GMDS: variants seen among roughly 807,000 people sequenced by gnomAD.
GMDS encodes the protein GDP-mannose 4,6 dehydratase.
In GMDS, 20 loss-of-function variants were observed where a neutral mutation model predicts 49.9. The observed-to-expected ratio is 0.40, with a 90% CI of 0.28 to 0.58. The LOEUF (loss-of-function observed/expected upper bound fraction) is 0.58, where lower values mean the gene tolerates loss of function less well. Ranked by LOEUF, GMDS falls within the 20% of genes least tolerant of loss-of-function variation. The pLI, the probability that GMDS is intolerant of heterozygous loss-of-function variation, is 0.42. For synonymous variants in GMDS, 177 were observed against 178.6 expected, an observed-to-expected ratio of 0.99 and a Z score of 0.07; for missense variants, 362 against 481.4, an observed-to-expected ratio of 0.75 and a Z score of 2.32.
At chr6:1,822,850 A>C (rs1421052338) in intron 7 of GMDS, among the ~76,000 whole-genome samples, 1 of 152,214 alleles carries the variant, frequency 6.6e-6, no homozygotes, top group Non-Finnish European at 1.5e-5. Context: ...CCTATAATGT[A>C]AAAAGTACTT....
intron 9 of GMDS, among the ~76,000 whole-genome samples, chr6:1,648,633 T>A (rs1033462224): frequency 6.6e-6 from 1 of 152,270 alleles, no homozygotes; most frequent in African/African-American, 2.4e-5. Flanking sequence ...CTTGCCTCCT[T>A]CTTTGCAAAG....
intron 2 of GMDS, among the ~76,000 whole-genome samples, chr6:2,118,046 G>A (rs566429730): frequency 1.3e-5 from 2 of 152,248 alleles, no homozygotes; most frequent in South Asian, 2.1e-4. Context: ...GAGAGCAGAT[G>A]TTACTATGCA....
intron 7 of GMDS, among the ~76,000 whole-genome samples, chr6:1,834,052 A>T (rs1340396035): frequency 6.6e-6 from 1 of 152,218 alleles, no homozygotes; most frequent in Non-Finnish European, 1.5e-5. Context: ...TTAAATAGAA[A>T]TTATTAAGAA....
intron 7 of GMDS, among the ~76,000 whole-genome samples, chr6:1,914,127 G>GTTTTTTTT (rs1225983780): frequency 2.8e-4 from 14 of 50,002 alleles, no homozygotes; most frequent in Non-Finnish European, 4.1e-4. Flanking sequence ...AGCGTTTTTT[G>GTTTTTTTT]TTTGTTTTTT....
chr6:1,797,036 A>G (rs1481518707), intron 7 of GMDS, among the ~76,000 whole-genome samples: 7 of 152,244 alleles, frequency 4.6e-5, no homozygotes, highest in African/African-American at 1.7e-4. Context: ...GCCAGGGACC[A>G]GTACCAGTAT....
rs371921639 is a variant in GMDS, at chr6:2,124,750, T to C, written c.103-19A>G. 3.4e-5 allele frequency: 54 copies of C among 1,606,026 alleles called. No individual in the cohort carries two copies. Among genetic ancestry groups the C allele is most frequent in the Middle Eastern group, 1.6e-4 (1 of 6,074 alleles). ...AACCATCCTGGGGAGAAAGAAAAAA[T>C]TGCAAAACGTCAGTCTCATAGTGGT... is the stretch of plus-strand genomic sequence containing the variant. On this transcript the variant is annotated intron_variant, in intron 1 of 10. Transcript: ENST00000380815.
At chr6:1,898,608 A>G (rs542990481) in intron 7 of GMDS, among the ~76,000 whole-genome samples, 1 of 152,336 alleles carries the variant, frequency 6.6e-6, no homozygotes, top group Non-Finnish European at 1.5e-5. Flanking sequence ...CTGACCTCAC[A>G]GTCTAGCATG....
At position 2,127,376 on chromosome 6, in the gene GMDS, C is replaced by T. The variant is rs528496343; in HGVS notation, c.103-2645G>A. Among the ~76,000 whole-genome samples the T allele has an allele frequency of 5.6e-4, 84 of 150,880 alleles. 1 individual carries two copies. In the South Asian group the frequency reaches 0.012, roughly 22 times the overall value. The stretch of plus-strand genomic sequence containing the variant: ...TCTCTTGGAATAAAAAGTTTGAATG[C>T]TTTGTGTTCTACCATAGCTACATTA... On this transcript the variant is annotated intron_variant, in intron 1 of 10. Transcript: ENST00000380815.
intron 9 of GMDS, among the ~76,000 whole-genome samples, chr6:1,693,432 T>C (rs986705563): frequency 1.3e-5 from 2 of 152,216 alleles, no homozygotes; most frequent in African/African-American, 4.8e-5. Flanking sequence ...TCTGCCCGAA[T>C]CCTGTCCCCA....
rs539321782 is a variant in GMDS at position 1,887,916 on chromosome 6, T to C, written c.771+42187A>G. Among the ~76,000 whole-genome samples the C allele has an allele frequency of 4.3e-4, 66 of 152,238 alleles. 1 individual carries two copies. In the South Asian group the frequency reaches 0.014, roughly 32 times the overall value. ...AAATACAATGTAGATGTTATATAAA[T>C]AGTTGCACTGTATTTTTAGTTTTTA... On this transcript the variant is annotated intron_variant, in intron 7 of 10. Coordinates refer to ENST00000380815, the MANE Select transcript of GMDS (RefSeq NM_001500.4).
At chr6:1,974,619 A>G (rs1764793037) in intron 4 of GMDS, among the ~76,000 whole-genome samples, 2 of 152,202 alleles carry the variant, frequency 1.3e-5, no homozygotes, top group South Asian at 4.1e-4. Context: ...GATCTAACAG[A>G]CAAACTAAAA....
At chr6:2,046,618 C>T (rs376770063) in intron 4 of GMDS, among the ~76,000 whole-genome samples, 25 of 152,160 alleles carry the variant, frequency 1.6e-4, no homozygotes, top group Middle Eastern at 3.4e-3. Context: ...TGCCACTACC[C>T]CCGGTTAATT....
chr6:2,018,771 A>G (rs1005142824), intron 4 of GMDS, among the ~76,000 whole-genome samples: 1 of 152,180 alleles, frequency 6.6e-6, no homozygotes, highest in Admixed American at 6.5e-5. Flanking sequence ...TCTTTTGGCT[A>G]TTATGAATAA....
chr6:2,223,412 C>T (rs1015172938), intron 1 of GMDS, among the ~76,000 whole-genome samples: 3 of 151,810 alleles, frequency 2.0e-5, no homozygotes, highest in Non-Finnish European at 4.4e-5. Flanking sequence ...TGAGGAGCGA[C>T]CATCTGACAT....
chr6:2,081,272 C>T (rs779356184), intron 4 of GMDS, among the ~76,000 whole-genome samples: 6 of 152,198 alleles, frequency 3.9e-5, no homozygotes, highest in Non-Finnish European at 5.9e-5. Context: ...ATGGTTTTCT[C>T]TGGCTACACA....
intron 7 of GMDS, among the ~76,000 whole-genome samples, chr6:1,747,181 A>T (rs1442336669): frequency 6.6e-6 from 1 of 152,090 alleles, no homozygotes; most frequent in Non-Finnish European, 1.5e-5. Context: ...GAACACTCAA[A>T]GTGCATCACC....
At chr6:1,706,934 C>A (rs1045649203) in intron 9 of GMDS, among the ~76,000 whole-genome samples, 14 of 152,180 alleles carry the variant, frequency 9.2e-5, no homozygotes, top group Non-Finnish European at 1.9e-4. Flanking sequence ...AAGGAAATTG[C>A]TTTAAAGGCC....
intron 1 of GMDS, among the ~76,000 whole-genome samples, chr6:2,195,127 G>A (rs1779223205): frequency 6.6e-6 from 1 of 152,160 alleles, no homozygotes; most frequent in Non-Finnish European, 1.5e-5. Flanking sequence ...TTAAAAGCTT[G>A]CATCTTTTCT....
chr6:1,727,064 C>T (rs1190977878), intron 8 of GMDS, among the ~76,000 whole-genome samples: 1 of 152,016 alleles, frequency 6.6e-6, no homozygotes, highest in Non-Finnish European at 1.5e-5. Context: ...ATGGTGGGCC[C>T]CCTTAGTAAG....
Sources: gnomAD v4.1 joint callset for allele counts (sites outside exome capture counted in the v4.1 genomes callset) on GRCh38, gnomAD v4.1.1 for gene constraint, MANE v1.5 for transcripts, NCBI Gene and HGNC (gene_info 2026-07-23, HGNC 2026-07-21) for gene names.